LRRC20: variants seen among roughly 807,000 people sequenced by gnomAD.
LRRC20 encodes the protein leucine-rich repeat-containing protein 20.
LRRC20 carries 11 observed loss-of-function variants against 14.4 expected under a neutral mutation model. That is an observed-to-expected ratio of 0.77 (90% CI 0.48 to 1.27). The LOEUF is 1.27. Among genes scored for constraint, LRRC20 ranks in the 50% most tolerant of loss-of-function variants. The pLI is 0.00. For missense variants in LRRC20, 219 were observed against 251.2 expected (o/e 0.87, Z 0.87); for synonymous variants, 121 against 107.3 (o/e 1.13, Z -0.79).
intron 4 of LRRC20, among the ~76,000 whole-genome samples, chr10:70,312,372 C>CCACA (rs71009290): frequency 1.3e-5 from 2 of 151,790 alleles, no homozygotes; most frequent in Non-Finnish European, 2.9e-5. Context: ...GGCTCCGGAG[C>CCACA]CACACACACA....
chr10:70,299,710 C>G lies in LRRC20; in HGVS notation c.*1644G>C, dbSNP rs773552673. Reference sequence around the variant, plus strand: ...AGCCTGCACAGGACTTCAGCCCCCACTTGCCCCCAACACCCACAGATGAAC... The same window carrying G: ...AGCCTGCACAGGACTTCAGCCCCCAGTTGCCCCCAACACCCACAGATGAAC... On this transcript the variant is annotated 3_prime_UTR_variant, in exon 5 of 5. Coordinates refer to ENST00000446961, the MANE Select transcript of LRRC20 (RefSeq NM_001278212.2). 1 of 153,050 alleles carries G rather than the reference C, an allele frequency of 6.5e-6. No individual in the cohort carries two copies. Among genetic ancestry groups the G allele is most frequent in the Non-Finnish European group, 1.5e-5 (1 of 68,736 alleles). 9.5% of individuals were successfully genotyped at this position (153,050 alleles called of 1,614,324 possible).
At chr10:70,322,432 T>C (rs1842124351) in intron 4 of LRRC20, among the ~76,000 whole-genome samples, 1 of 152,102 alleles carries the variant, frequency 6.6e-6, no homozygotes, top group African/African-American at 2.4e-5. Flanking sequence ...TGGCCAGGAA[T>C]GCAGGGGGCA....
intron 4 of LRRC20, among the ~76,000 whole-genome samples, chr10:70,310,573 AAT>A (rs1490486145): frequency 1.3e-5 from 2 of 152,304 alleles, no homozygotes; most frequent in South Asian, 2.1e-4. Flanking sequence ...GCAACCTGTG[AAT>A]ATGTCTGTTC....
At chr10:70,326,300 A>G (rs899678975) in intron 3 of LRRC20, among the ~76,000 whole-genome samples, 23 of 121,544 alleles carry the variant, frequency 1.9e-4, no homozygotes, top group Non-Finnish European at 2.1e-4. Context: ...CTCTGTGTAC[A>G]CACACACACA....
At chr10:70,317,337 C>T (rs570003555) in intron 4 of LRRC20, among the ~76,000 whole-genome samples, 5 of 151,958 alleles carry the variant, frequency 3.3e-5, no homozygotes, top group Non-Finnish European at 7.4e-5. Context: ...ATGGGAGTCT[C>T]CCTTTCTTTT....
rs147211861 is a variant in LRRC20 at position 70,357,623 on chromosome 10, C to T, written c.83-16921G>A. ...CACAAGCCCTGGACGAGGAGACAAC[C>T]GCATGTGCTATCATGGGCTCTGGGA... On this transcript the variant is annotated intron_variant, in intron 2 of 4. Coordinates refer to ENST00000446961, the MANE Select transcript of LRRC20 (RefSeq NM_001278212.2). Among the ~76,000 whole-genome samples the T allele has an allele frequency of 9.9e-3, 1,514 of 152,210 alleles. 22 individuals are homozygous for T. Among genetic ancestry groups the T allele is most frequent in the South Asian group, 0.056 (269 of 4,810 alleles).
intron 2 of LRRC20, among the ~76,000 whole-genome samples, chr10:70,348,418 T>C (rs952160039): frequency 2.2e-4 from 33 of 152,208 alleles, no homozygotes; most frequent in African/African-American, 7.7e-4. Flanking sequence ...AGGAGCAATA[T>C]GCTGTATGCC....
At chr10:70,318,361 G>A (rs1841947352) in intron 4 of LRRC20, among the ~76,000 whole-genome samples, 1 of 152,180 alleles carries the variant, frequency 6.6e-6, no homozygotes, top group Non-Finnish European at 1.5e-5. Flanking sequence ...ACCACACTTT[G>A]AGAAATATCG....
Position 70,328,283 on chromosome 10 carries a change from CT to C in LRRC20, c.233-4254del, listed in dbSNP as rs530539984. Among the ~76,000 whole-genome samples, 709 of 150,720 alleles carry C rather than the reference CT, an allele frequency of 4.7e-3. 4 individuals carry two copies. Among genetic ancestry groups the C allele is most frequent in the Middle Eastern group, 0.017 (5 of 292 alleles). On this transcript the variant is annotated intron_variant, in intron 3 of 4. Coordinates refer to ENST00000446961, the MANE Select transcript of LRRC20 (RefSeq NM_001278212.2). ...TGTAACTGAATGTAAAAAGGGTAATCTTTGTTTTTTGTTTTTTGGCGTTTTT... is the reference window on the plus strand; with the variant it reads ...TGTAACTGAATGTAAAAAGGGTAATCTTGTTTTTTGTTTTTTGGCGTTTTT...
chr10:70,309,447 A>G (rs1179952878), intron 4 of LRRC20, among the ~76,000 whole-genome samples: 1 of 152,238 alleles, frequency 6.6e-6, no homozygotes, highest in Non-Finnish European at 1.5e-5. Context: ...ACACTTCAAC[A>G]CACAACGCAG....
At chr10:70,348,533 TA>T (rs1174998688) in intron 2 of LRRC20, among the ~76,000 whole-genome samples, 1 of 152,178 alleles carries the variant, frequency 6.6e-6, no homozygotes, top group Non-Finnish European at 1.5e-5. Context: ...GAGACTGTAA[TA>T]AAGTGACTTG....
rs191323184 is a variant in LRRC20 at position 70,372,464 on chromosome 10, T to C, written c.82+3988A>G. Among the ~76,000 whole-genome samples, 337 of 136,154 alleles carry C rather than the reference T, an allele frequency of 2.5e-3. 6 individuals are homozygous for C. The East Asian group carries it at 0.041, about 16-fold the overall frequency. 89.3% of individuals were successfully genotyped at this position (136,154 alleles called of 152,430 possible). On this transcript the variant is annotated intron_variant, in intron 2 of 4. Transcript: ENST00000446961. ...CTTTTCGTTTTTTTTTTTTTTGAGATGGAGTCTCACTCTGTCACCCAGGCT... is the reference window on the plus strand; with the variant it reads ...CTTTTCGTTTTTTTTTTTTTTGAGACGGAGTCTCACTCTGTCACCCAGGCT...
intron 1 of LRRC20, among the ~76,000 whole-genome samples, chr10:70,377,719 C>T (rs1474959587): frequency 1.3e-5 from 2 of 152,152 alleles, no homozygotes; most frequent in Admixed American, 6.5e-5. Flanking sequence ...TAACAGTCAC[C>T]AAGAAAAAGT....
chr10:70,363,326 G>A (rs1843826789), intron 2 of LRRC20, among the ~76,000 whole-genome samples: 2 of 151,996 alleles, frequency 1.3e-5, no homozygotes, highest in Admixed American at 1.3e-4. Context: ...AGGAAAAAGA[G>A]AGAGGAAGGG....
intron 3 of LRRC20, among the ~76,000 whole-genome samples, chr10:70,325,404 T>C (rs1842280395): frequency 6.6e-6 from 1 of 152,154 alleles, no homozygotes; most frequent in Non-Finnish European, 1.5e-5. Context: ...TCTGCAATGA[T>C]ACTGCACCCT....
intron 2 of LRRC20, among the ~76,000 whole-genome samples, chr10:70,363,232 G>A (rs945702421): frequency 2.6e-5 from 4 of 151,338 alleles, no homozygotes; most frequent in Non-Finnish European, 5.9e-5. Context: ...CTCCAGCCTG[G>A]GCAAAGGGAG....
In LRRC20 at chr10:70,342,073, C is replaced by T. The variant is rs144780881; in HGVS notation, c.83-1371G>A. 2.8e-3 allele frequency among the ~76,000 whole-genome samples: 426 copies of T among 151,586 alleles called. 3 individuals are homozygous for T. Among genetic ancestry groups the T allele is most frequent in the African/African-American group, 9.8e-3 (405 of 41,286 alleles). Reference sequence around the variant, plus strand: ...CAGCACTTTGGGAGGCTGAGGTGGCCAGATCACTTGAGGCCAGGAGTTTGA... The same window carrying T: ...CAGCACTTTGGGAGGCTGAGGTGGCTAGATCACTTGAGGCCAGGAGTTTGA... On this transcript the variant is annotated intron_variant, in intron 2 of 4. Coordinates refer to ENST00000446961, the MANE Select transcript of LRRC20 (RefSeq NM_001278212.2).
chr10:70,333,223 C>T (rs544204344), intron 3 of LRRC20, among the ~76,000 whole-genome samples: 4 of 152,304 alleles, frequency 2.6e-5, no homozygotes, highest in East Asian at 1.9e-4. Flanking sequence ...CAGAGCCACA[C>T]GGTCCTGGTG....
rs112241386 is a variant in LRRC20 at position 70,376,160 on chromosome 10, G to A, written c.82+292C>T. 2.7e-4 allele frequency among the ~76,000 whole-genome samples: 41 copies of A among 152,240 alleles called. 1 individual carries two copies. The highest frequency in any genetic ancestry group is 9.4e-4 in the African/African-American group (39 of 41,538). On this transcript the variant is annotated intron_variant, in intron 2 of 4. Transcript: ENST00000446961. ...CTGGCACACAGATGCTACTTGGCCA[G>A]GACCAGCTCTGTATTTTCACCTGGT...
Sources: gnomAD v4.1 joint callset for allele counts (sites outside exome capture counted in the v4.1 genomes callset) on GRCh38, gnomAD v4.1.1 for gene constraint, MANE v1.5 for transcripts, NCBI Gene and HGNC (gene_info 2026-07-23, HGNC 2026-07-21) for gene names.